IL1RAPL1: variants seen among roughly 807,000 people sequenced by gnomAD.
IL1RAPL1 encodes the protein interleukin-1 receptor accessory protein-like 1.
Under a neutral mutation model 48.4 loss-of-function variants are expected in IL1RAPL1, and 3 were observed. The ratio of observed to expected loss-of-function variants is 0.06; its 90% CI spans 0.03 to 0.16. The LOEUF (loss-of-function observed/expected upper bound fraction) is 0.16. IL1RAPL1 is among the 10% of genes least tolerant of loss of function. The pLI, the probability that IL1RAPL1 is intolerant of heterozygous loss-of-function variation, is 1.00. For synonymous variants in IL1RAPL1, 185 were observed against 187.7 expected (o/e 0.99, Z 0.12); for missense variants, 349 against 530.6 (o/e 0.66, Z 3.36).
intron 5 of IL1RAPL1, among the ~76,000 whole-genome samples, chrX:29,585,110 G>A (rs944439990): frequency 2.7e-5 from 3 of 111,969 alleles, no homozygotes; most frequent in Admixed American, 9.5e-5. Flanking sequence ...GTACAATACA[G>A]TATTGTTGAC....
rs565989325 is a variant in IL1RAPL1, at chrX:29,709,417, G to A, written c.778+40913G>A. 2.7e-5 allele frequency among the ~76,000 whole-genome samples: 3 copies of A among 111,565 alleles called. No individual in the cohort carries two copies. In the East Asian group the frequency reaches 8.4e-4, roughly 31 times the overall value. On this transcript the variant is annotated intron_variant, in intron 6 of 10. Transcript: ENST00000378993. ...TTGGAGAAATCGCCATTTCCCCATT[G>A]TGTTTTCTTAGCACCTTTTTGAAAA... is the stretch of plus-strand genomic sequence containing the variant.
At chrX:28,751,855 A>T (rs372891540) in intron 1 of IL1RAPL1, among the ~76,000 whole-genome samples, 1 of 111,782 alleles carries the variant, frequency 8.9e-6, no homozygotes, top group African/African-American at 3.2e-5. Flanking sequence ...TTTTTGGTAT[A>T]GTAGAGTGGA....
intron 6 of IL1RAPL1, among the ~76,000 whole-genome samples, chrX:29,906,463 ATATATAT>A (rs1932625364): frequency 9.6e-3 from 2 of 209 alleles, no homozygotes; most frequent in Non-Finnish European, 0.022. Context: ...CTTTGTAAAT[ATATATAT>A]ATATATATAT....
intron 1 of IL1RAPL1, among the ~76,000 whole-genome samples, chrX:28,771,104 G>A (rs771096205): frequency 9.0e-6 from 1 of 111,640 alleles, no homozygotes; most frequent in South Asian, 3.8e-4. Flanking sequence ...AAGTAACATA[G>A]CTGGGAGTCA....
At chrX:29,110,824 G>T (rs59844281) in intron 2 of IL1RAPL1, among the ~76,000 whole-genome samples, 20,637 of 110,156 alleles carry the variant, frequency 0.19, 1,816 homozygotes, top group East Asian at 0.42. Flanking sequence ...GTTATCTCTT[G>T]CCAGGATTCC....
chrX:29,233,099 G>A (rs1433253323), intron 2 of IL1RAPL1, among the ~76,000 whole-genome samples: 13 of 111,718 alleles, frequency 1.2e-4, no homozygotes, highest in Non-Finnish European at 2.3e-4. Flanking sequence ...GTGCCTGGCC[G>A]AAAGAAGCAT....
chrX:29,218,870 T>G (rs1388502203), intron 2 of IL1RAPL1, among the ~76,000 whole-genome samples: 2 of 112,315 alleles, frequency 1.8e-5, no homozygotes, highest in African/African-American at 6.5e-5. Context: ...AAAGTACATA[T>G]TTTAGCAATC....
rs759857385 is a variant in IL1RAPL1, at chrX:29,906,565, C to T, written c.779-10899C>T. ...GTTGCCAGTGACCCAGTTTTATATC[C>T]TACTTTCTTGTCTACACCAGCTACT... On this transcript the variant is annotated intron_variant, in intron 6 of 10. Transcript: ENST00000378993. 2.8e-4 allele frequency among the ~76,000 whole-genome samples: 23 copies of T among 82,247 alleles called. No individual in the cohort carries two copies. The South Asian group carries it at 0.017, about 60-fold the overall frequency. The allele number at this position is 82,247 out of a possible 115,157, so 71.4% of individuals were successfully genotyped here.
chrX:28,717,805 CTCCTTT>C (rs1357591128), intron 1 of IL1RAPL1, among the ~76,000 whole-genome samples: 1 of 110,741 alleles, frequency 9.0e-6, no homozygotes, highest in Non-Finnish European at 1.9e-5. Context: ...TTCTTCCTTC[CTCCTTT>C]TTGGTAATAT....
In IL1RAPL1 at chrX:29,369,502, C is replaced by A. The variant is rs183630296; in HGVS notation, c.363-26756C>A. 9.9e-5 allele frequency: 11 copies of A among 111,639 alleles called. No homozygotes were observed. In the South Asian group the frequency reaches 1.5e-3, roughly 16 times the overall value. 9.2% of individuals were successfully genotyped at this position (111,639 alleles called of 1,213,427 possible). A position where few individuals can be genotyped will look rare whatever the true frequency, so the allele number is the denominator to read the frequency against. On this transcript the variant is annotated intron_variant, in intron 3 of 10. Transcript: ENST00000378993. The stretch of plus-strand genomic sequence containing the variant: ...ACCACTCCCCAAAGCCCAGGCTCCG[C>A]AGACTGGGCCCACTACATTGATGAC...
chrX:28,846,881 C>A (rs1008968919), intron 2 of IL1RAPL1, among the ~76,000 whole-genome samples: 2 of 111,729 alleles, frequency 1.8e-5, no homozygotes, highest in African/African-American at 6.5e-5. Flanking sequence ...CCTTGGACAT[C>A]TTTGCTTTGT....
chrX:29,392,303 C>G (rs759531197), intron 3 of IL1RAPL1, among the ~76,000 whole-genome samples: 1 of 112,219 alleles, frequency 8.9e-6, no homozygotes, highest in South Asian at 3.7e-4. Flanking sequence ...ACCCCATTTA[C>G]CCCATTCCAC....
chrX:29,148,062 A>G (rs1240945850), intron 2 of IL1RAPL1, among the ~76,000 whole-genome samples: 1 of 112,227 alleles, frequency 8.9e-6, no homozygotes, highest in Non-Finnish European at 1.9e-5. Context: ...GTATACACAA[A>G]CATATATAAA....
chrX:28,598,228 A>T (rs1001433698), intron 1 of IL1RAPL1, among the ~76,000 whole-genome samples: 1 of 112,242 alleles, frequency 8.9e-6, no homozygotes, highest in Non-Finnish European at 1.9e-5. Context: ...CTAACTACCA[A>T]TAATTATAAC....
chrX:29,069,073 T>C (rs1927508571), intron 2 of IL1RAPL1, among the ~76,000 whole-genome samples: 1 of 112,155 alleles, frequency 8.9e-6, no homozygotes. Flanking sequence ...AGTTAAGTTA[T>C]TAAGATTCAA....
chrX:29,816,360 A>C (rs1434286484), intron 6 of IL1RAPL1, among the ~76,000 whole-genome samples: 5 of 111,309 alleles, frequency 4.5e-5, no homozygotes, highest in Non-Finnish European at 9.5e-5. Flanking sequence ...ACAATCTCCC[A>C]AGATTGAACC....
At chrX:28,966,329 C>G (rs1288773523) in intron 2 of IL1RAPL1, among the ~76,000 whole-genome samples, 1 of 111,858 alleles carries the variant, frequency 8.9e-6, no homozygotes, top group Non-Finnish European at 1.9e-5. Context: ...AATTAGCTGA[C>G]AGATCAAGAA....
At chrX:29,467,279 G>A (rs1038798189) in intron 5 of IL1RAPL1, among the ~76,000 whole-genome samples, 1 of 112,416 alleles carries the variant, frequency 8.9e-6, no homozygotes, top group African/African-American at 3.2e-5. Context: ...TCCCACATAT[G>A]GGGGCTTCCA....
chrX:28,618,893 A>G lies in IL1RAPL1; in HGVS notation c.-25+30846A>G, dbSNP rs1039909104. Among the ~76,000 whole-genome samples, 39 of 111,206 alleles carry G rather than the reference A, an allele frequency of 3.5e-4. 1 individual carries two copies. Among genetic ancestry groups the G allele is most frequent in the African/African-American group, 1.0e-3 (31 of 30,582 alleles). ...GGGTGGTGAAGGGGAGGGTACTTAC[A>G]GTGTGTGGAGTCACGGACTCAGCAA... is the stretch of plus-strand genomic sequence containing the variant. On this transcript the variant is annotated intron_variant, in intron 1 of 10. Transcript: ENST00000378993.
Sources: gnomAD v4.1 joint callset for allele counts (sites outside exome capture counted in the v4.1 genomes callset) on GRCh38, gnomAD v4.1.1 for gene constraint, MANE v1.5 for transcripts, NCBI Gene and HGNC (gene_info 2026-07-23, HGNC 2026-07-21) for gene names.